Variants in MACROD2 observed in about 807,000 individuals in gnomAD.
The protein encoded by MACROD2 is ADP-ribose glycohydrolase MACROD2.
MACROD2 carries 36 observed loss-of-function variants against 70.4 expected under a neutral mutation model. The ratio of observed to expected loss-of-function variants is 0.51; its 90% CI spans 0.39 to 0.68. The LOEUF is 0.68. MACROD2 is among the 30% of genes least tolerant of loss of function. MACROD2 has a pLI of 0.00. For synonymous variants in MACROD2, 172 were observed against 178.8 expected, an observed-to-expected ratio of 0.96 and a Z score of 0.30; for missense variants, 496 against 538.4, an observed-to-expected ratio of 0.92 and a Z score of 0.78.
chr20:15,652,666 C>T (rs918871551), intron 8 of MACROD2, among the ~76,000 whole-genome samples: 47 of 151,792 alleles, frequency 3.1e-4, no homozygotes, highest in Admixed American at 2.0e-4. Context: ...CTCATAAGTG[C>T]TAAAAGTGTG....
intron 15 of MACROD2, among the ~76,000 whole-genome samples, chr20:15,997,837 G>A (rs2147496668): frequency 6.6e-6 from 1 of 152,158 alleles, no homozygotes; most frequent in African/African-American, 2.4e-5. Context: ...TGTCATATAT[G>A]GCCTTTATTA....
chr20:15,488,644 C>T (rs1347204006), intron 7 of MACROD2, among the ~76,000 whole-genome samples: 1 of 152,208 alleles, frequency 6.6e-6, no homozygotes, highest in Non-Finnish European at 1.5e-5. Flanking sequence ...AGATCACTAG[C>T]TACCAGGACT....
chr20:14,013,919 C>G (rs1325898418), intron 2 of MACROD2, among the ~76,000 whole-genome samples: 2 of 152,098 alleles, frequency 1.3e-5, no homozygotes, highest in East Asian at 3.9e-4. Flanking sequence ...GGTGATCCAC[C>G]TGCCTCAGGC....
intron 5 of MACROD2, among the ~76,000 whole-genome samples, chr20:15,181,872 G>A (rs1158783585): frequency 1.3e-5 from 2 of 151,966 alleles, no homozygotes; most frequent in Non-Finnish European, 2.9e-5. Flanking sequence ...TTATGCCTTT[G>A]AAGAAGATTA....
At chr20:15,812,239 CTAT>C (rs2063828920) in intron 8 of MACROD2, among the ~76,000 whole-genome samples, 1 of 152,188 alleles carries the variant, frequency 6.6e-6, no homozygotes, top group South Asian at 2.1e-4. Context: ...CAGCAAATGC[CTAT>C]TGAGTTGAAT....
chr20:15,854,626 T>G (rs2064337292), intron 8 of MACROD2, among the ~76,000 whole-genome samples: 1 of 152,172 alleles, frequency 6.6e-6, no homozygotes, highest in Non-Finnish European at 1.5e-5. Flanking sequence ...TGCGGTGATT[T>G]GTCATGTGGC....
intron 8 of MACROD2, among the ~76,000 whole-genome samples, chr20:15,595,632 T>C (rs1244265182): frequency 1.3e-5 from 2 of 152,228 alleles, no homozygotes; most frequent in East Asian, 3.8e-4. Context: ...AGGAATATTT[T>C]AATTATAACA....
At position 15,470,364 on chromosome 20, in the gene MACROD2, T is replaced by G. The variant is rs1481112915; in HGVS notation, c.572-29410T>G. On this transcript the variant is annotated intron_variant, in intron 7 of 17. Transcript: ENST00000684519. Reference sequence around the variant, plus strand: ...GCGCCCAGCCCTTTCTGTACAATTTTGAATAAACTTCCCTTCTTCTCAGCC... The same window carrying G: ...GCGCCCAGCCCTTTCTGTACAATTTGGAATAAACTTCCCTTCTTCTCAGCC... 3.3e-5 allele frequency among the ~76,000 whole-genome samples: 5 copies of G among 152,204 alleles called. No homozygotes were observed. The East Asian group carries it at 9.6e-4, about 29-fold the overall frequency.
At chr20:14,717,916 C>T (rs952773699) in intron 5 of MACROD2, among the ~76,000 whole-genome samples, 2 of 151,974 alleles carry the variant, frequency 1.3e-5, no homozygotes, top group Non-Finnish European at 1.5e-5. Flanking sequence ...AATTGTTCTC[C>T]CTAAGCACAG....
chr20:14,451,115 A>T (rs2084240266), intron 3 of MACROD2, among the ~76,000 whole-genome samples: 1 of 152,016 alleles, frequency 6.6e-6, no homozygotes, highest in South Asian at 2.1e-4. Context: ...GGCTTGGTGA[A>T]GTGAGACAGA....
intron 2 of MACROD2, among the ~76,000 whole-genome samples, chr20:14,068,275 C>G (rs939092255): frequency 6.6e-5 from 10 of 151,682 alleles, no homozygotes; most frequent in African/African-American, 9.7e-5. Context: ...CCCCACCCCC[C>G]CTGTGCTCCA....
chr20:15,365,171 G>A (rs1600298986), intron 6 of MACROD2, among the ~76,000 whole-genome samples: 1 of 151,446 alleles, frequency 6.6e-6, no homozygotes, highest in African/African-American at 2.4e-5. Flanking sequence ...TCTTTGGGGC[G>A]GGGCGGGGGT....
chr20:15,062,713 A>G (rs1298023913), intron 5 of MACROD2, among the ~76,000 whole-genome samples: 1 of 152,236 alleles, frequency 6.6e-6, no homozygotes, highest in Non-Finnish European at 1.5e-5. Flanking sequence ...AGCACTAGGC[A>G]CACAACAGTG....
intron 8 of MACROD2, among the ~76,000 whole-genome samples, chr20:15,617,194 A>G (rs1371880443): frequency 6.6e-6 from 1 of 151,788 alleles, no homozygotes; most frequent in Non-Finnish European, 1.5e-5. Context: ...ATTGTTTCCT[A>G]CGAATATATG....
At chr20:15,141,869 C>T (rs2076194604) in intron 5 of MACROD2, among the ~76,000 whole-genome samples, 1 of 152,128 alleles carries the variant, frequency 6.6e-6, no homozygotes, top group Non-Finnish European at 1.5e-5. Context: ...CAGTTTCTTG[C>T]CTCCCTTTTG....
intron 5 of MACROD2, among the ~76,000 whole-genome samples, chr20:14,808,969 A>G (rs1340430351): frequency 2.0e-5 from 3 of 152,046 alleles, no homozygotes; most frequent in African/African-American, 7.2e-5. Context: ...AGAGACTTAG[A>G]CTCCTACACA....
At chr20:14,993,265 CTTTT>C (rs559777859) in intron 5 of MACROD2, among the ~76,000 whole-genome samples, 1 of 140,868 alleles carries the variant, frequency 7.1e-6, no homozygotes, top group Admixed American at 7.1e-5. Flanking sequence ...GCTATGGTTA[CTTTT>C]TTTTTTTTTT....
chr20:15,317,371 A>G (rs188475271), intron 6 of MACROD2, among the ~76,000 whole-genome samples: 322 of 152,138 alleles, frequency 2.1e-3, no homozygotes, highest in Middle Eastern at 3.4e-3. Flanking sequence ...AAAATTGACA[A>G]GTCTCTAGAA....
chr20:15,566,977 G>A (rs1350437537), intron 8 of MACROD2, among the ~76,000 whole-genome samples: 2 of 152,020 alleles, frequency 1.3e-5, no homozygotes, highest in African/African-American at 2.4e-5. Context: ...AAATTCAGAA[G>A]TGAGAAAGTG....
Sources: gnomAD v4.1 joint callset for allele counts (sites outside exome capture counted in the v4.1 genomes callset) on GRCh38, gnomAD v4.1.1 for gene constraint, MANE v1.5 for transcripts, NCBI Gene and HGNC (gene_info 2026-07-23, HGNC 2026-07-21) for gene names.